The following NUP98 variants were observed in gnomAD, a reference collection of about 807,000 sequenced individuals.
The protein encoded by NUP98 is nuclear pore complex protein Nup98-Nup96.
Under a neutral mutation model 191.9 loss-of-function variants are expected in NUP98, and 26 were observed. The observed-to-expected ratio is 0.14, with a 90% CI of 0.10 to 0.19. The LOEUF (loss-of-function observed/expected upper bound fraction) is 0.19. Among genes scored for constraint, NUP98 ranks in the 10% least tolerant of loss-of-function variants. The probability of loss-of-function intolerance (pLI) is 1.00; values close to 1 mark genes in which losing one functional copy is unlikely to be tolerated. For synonymous variants in NUP98, 808 were observed against 778.4 expected (o/e 1.04, Z -0.63); for missense variants, 1,941 against 2,178.8 (o/e 0.89, Z 2.17).
chr11:3,726,655 G>C (rs912168170), intron 14 of NUP98, among the ~76,000 whole-genome samples: 1 of 151,564 alleles, frequency 6.6e-6, no homozygotes, highest in Non-Finnish European at 1.5e-5. Context: ...AAAATAAAAA[G>C]CTGAATAATC....
At chr11:3,743,646 CAAA>C (rs34382341) in intron 12 of NUP98, among the ~76,000 whole-genome samples, 3 of 49,414 alleles carry the variant, frequency 6.1e-5, no homozygotes, top group Non-Finnish European at 4.4e-5. Context: ...AACTCCATCT[CAAA>C]AAAAAAAAAA....
intron 9 of NUP98, among the ~76,000 whole-genome samples, chr11:3,762,311 G>A (rs949510430): frequency 8.0e-5 from 12 of 150,672 alleles, no homozygotes; most frequent in African/African-American, 2.7e-4. Context: ...TAGGAGAGAC[G>A]GGGTTTCACC....
At chr11:3,781,984 T>A in intron 2 of NUP98, 58 bp downstream of exon 2, 1 of 1,145,264 alleles carries the variant, frequency 8.7e-7, no homozygotes, top group Non-Finnish European at 1.3e-6. Context: ...CAGAGTGGAT[T>A]TGTTCTTAGT....
At chr11:3,768,776 G>C in intron 7 of NUP98, 32 bp from the exon 8 acceptor site, 1 of 1,431,066 alleles carries the variant, frequency 7.0e-7, no homozygotes, top group Non-Finnish European at 9.3e-7. Context: ...AAAGAAAAAA[G>C]AAATAATAAA....
At chr11:3,685,433 C>T (rs979857778) in intron 29 of NUP98, among the ~76,000 whole-genome samples, 7 of 152,158 alleles carry the variant, frequency 4.6e-5, no homozygotes, top group Admixed American at 2.0e-4. Flanking sequence ...ACTTCCCTGC[C>T]GTGGAGTCAC....
intron 7 of NUP98, 91 bp from the exon 8 acceptor site, chr11:3,768,835 G>GT: frequency 3.9e-6 from 4 of 1,029,580 alleles, no homozygotes; most frequent in Non-Finnish European, 4.0e-6. Context: ...TCCAGTTGTT[G>GT]TAATAGTCTT....
intron 23 of NUP98, among the ~76,000 whole-genome samples, chr11:3,701,428 A>T (rs893588040): frequency 6.6e-6 from 1 of 151,628 alleles, no homozygotes; most frequent in Non-Finnish European, 1.5e-5. Context: ...CCCTGGGCTA[A>T]TTTTTGTAAT....
At chr11:3,763,402 G>A (rs1567923) in intron 8 of NUP98, among the ~76,000 whole-genome samples, 7,717 of 152,208 alleles carry the variant, frequency 0.051, 256 homozygotes, top group Middle Eastern at 0.099. Flanking sequence ...GCAACACTGA[G>A]AAGCAAAATA....
chr11:3,714,470 A>G (rs1289073206), intron 18 of NUP98, among the ~76,000 whole-genome samples: 3 of 152,332 alleles, frequency 2.0e-5, no homozygotes, highest in East Asian at 1.9e-4. Flanking sequence ...TCTAATATTA[A>G]TACCAGAGTT....
intron 8 of NUP98, among the ~76,000 whole-genome samples, chr11:3,768,206 G>A (rs1348265356): frequency 6.6e-6 from 1 of 152,004 alleles, no homozygotes; most frequent in Non-Finnish European, 1.5e-5. Flanking sequence ...CGGATCACGA[G>A]GTCAGGAGAT....
chr11:3,767,289 T>TC (rs531398689), intron 8 of NUP98, among the ~76,000 whole-genome samples: 77 of 151,654 alleles, frequency 5.1e-4, no homozygotes, highest in South Asian at 1.3e-3. Flanking sequence ...CTGAAATCAG[T>TC]CATCTAGTAT....
At chr11:3,682,589 T>C (rs1445199452) in intron 30 of NUP98, among the ~76,000 whole-genome samples, 1 of 152,196 alleles carries the variant, frequency 6.6e-6, no homozygotes, top group Non-Finnish European at 1.5e-5. Context: ...ACTGACCATC[T>C]TATATGGATG....
At chr11:3,718,157 A>G (rs1208432736) in intron 18 of NUP98, among the ~76,000 whole-genome samples, 1 of 152,156 alleles carries the variant, frequency 6.6e-6, no homozygotes, top group Non-Finnish European at 1.5e-5. Context: ...TTATTTCTTT[A>G]AACGCTTAGT....
intron 31 of NUP98, 129 bp downstream of exon 31, chr11:3,679,424 AG>A: frequency 9.3e-7 from 1 of 1,075,896 alleles, no homozygotes. Context: ...AGCCTCAGCA[AG>A]ATGCCTGCTT....
Position 3,702,783 on chromosome 11 carries a change from G to C in NUP98, c.3192C>G (p.Ser1064=), listed in dbSNP as rs2078749323. The C allele has an allele frequency of 1.2e-6, 2 of 1,614,010 alleles. No individual in the cohort carries two copies. The highest frequency in any genetic ancestry group is 1.7e-6 in the Non-Finnish European group (2 of 1,180,032). ...PRAASLMNIP[S]TSSWSVPPPL... The stretch of plus-strand genomic sequence containing the variant: ...GTGGAGGGACAGACCAAGAGGATGT[G>C]GATGGGATATTCATTAAAGATGCTG... Residue 1064 remains serine (S), a synonymous_variant, in exon 23 of 33, where the codon TCC becomes TCG. Transcript: ENST00000324932.
intron 22 of NUP98, 55 bp from the exon 23 acceptor site, chr11:3,702,947 GT>G (rs2078755128): frequency 1.4e-6 from 2 of 1,410,532 alleles, no homozygotes. Context: ...ACAAGCTATT[GT>G]TTCTTGAACA....
intron 7 of NUP98, among the ~76,000 whole-genome samples, chr11:3,769,225 G>C (rs1276710808): frequency 6.6e-6 from 1 of 152,124 alleles, no homozygotes; most frequent in Non-Finnish European, 1.5e-5. Context: ...AGGAGTTCCT[G>C]AACAGCCTAG....
At chr11:3,701,817 C>G (rs1168566331) in intron 23 of NUP98, among the ~76,000 whole-genome samples, 1 of 151,744 alleles carries the variant, frequency 6.6e-6, no homozygotes, top group African/African-American at 2.4e-5. Flanking sequence ...TCCTGACTAG[C>G]TGGGTCTACA....
chr11:3,760,432 A>G (rs2081126026), intron 10 of NUP98, 107 bp downstream of exon 10: 2 of 1,475,352 alleles, frequency 1.4e-6, no homozygotes, highest in African/African-American at 2.8e-5. Flanking sequence ...CAGGAGAATA[A>G]CGTGTGGTAT....
Sources: gnomAD v4.1 joint callset for allele counts (sites outside exome capture counted in the v4.1 genomes callset) on GRCh38, gnomAD v4.1.1 for gene constraint, MANE v1.5 for transcripts, NCBI Gene and HGNC (gene_info 2026-07-23, HGNC 2026-07-21) for gene names.